Variants in PKP1 observed in about 807,000 individuals in gnomAD.
PKP1 encodes the protein plakophilin-1.
PKP1 carries 27 observed loss-of-function variants against 76.4 expected under a neutral mutation model. The observed-to-expected ratio is 0.35, with a 90% confidence interval of 0.26 to 0.49. The LOEUF is 0.49. Ranked by LOEUF, PKP1 falls within the 20% of genes least tolerant of loss-of-function variation. The probability of loss-of-function intolerance (pLI) is 0.99; values close to 1 mark genes in which losing one functional copy is unlikely to be tolerated. For missense variants in PKP1, 964 were observed against 955.2 expected (o/e 1.01, Z -0.12); for synonymous variants, 404 against 384.2 (o/e 1.05, Z -0.60).
rs778309621 is a variant in PKP1, at chr1:201,323,070, T to C, written c.1561T>C (p.Trp521Arg). 3.1e-6 allele frequency: 5 copies of C among 1,614,048 alleles called. No homozygotes were observed. The highest frequency in any genetic ancestry group is 4.2e-6 in the Non-Finnish European group (5 of 1,180,036). The change falls in exon 9 of 14, where the codon TGG (tryptophan) becomes CGG (arginine). Residue 521 changes from tryptophan (W) to arginine (R), a missense_variant. Trp to Arg is a moderately radical substitution (Grantham distance 101, BLOSUM62 -3). Coordinates refer to ENST00000367324, the MANE Select transcript of PKP1 (RefSeq NM_001005337.3). ...AGAGACCAACCCCAAGGGCAGCGGC[T>C]GGTTGTACCATTCAGATGCCATCCG... is the stretch of plus-strand genomic sequence containing the variant. ...EEETNPKGSG[W>R]LYHSDAIRTY...
intron 2 of PKP1, among the ~76,000 whole-genome samples, chr1:201,301,252 G>A (rs1264050869): frequency 6.6e-6 from 1 of 152,144 alleles, no homozygotes; most frequent in South Asian, 2.1e-4. Context: ...CACTGCTAAG[G>A]GACTCAGTGT....
chr1:201,330,767 G>C lies in PKP1; in HGVS notation c.*726G>C, dbSNP rs1657297328. 1 of 152,310 alleles carries C rather than the reference G, an allele frequency of 6.6e-6. No individual in the cohort carries two copies. The highest frequency in any genetic ancestry group is 1.5e-5 in the Non-Finnish European group (1 of 68,112). 9.4% of individuals were successfully genotyped at this position (152,310 alleles called of 1,614,324 possible). On this transcript the variant is annotated 3_prime_UTR_variant, in exon 14 of 14. Transcript: ENST00000367324. ...CGCCACAAGGACTGAGGTTGGGTAG[G>C]TGTGGGGTTCCAGAGGACAGCAGGA...
rs777513290 is a variant in PKP1, at chr1:201,283,914, C to T, written c.202+10C>T. On this transcript the variant is annotated intron_variant, in intron 1 of 13. Coordinates refer to ENST00000367324, the MANE Select transcript of PKP1 (RefSeq NM_001005337.3). ...AGCCACTCCAATCGAGGTAAAGGCT[C>T]GGCCCCCGCGTGGTCCGTGCGCCCC... 22 of 1,612,774 alleles carry T rather than the reference C, an allele frequency of 1.4e-5. No individual in the cohort carries two copies. The highest frequency in any genetic ancestry group is 5.0e-5 in the Admixed American group (3 of 59,998).
chr1:201,284,320 A>T (rs1655661619), intron 1 of PKP1, among the ~76,000 whole-genome samples: 1 of 152,130 alleles, frequency 6.6e-6, no homozygotes, highest in African/African-American at 2.4e-5. Flanking sequence ...CCTGGGGCCC[A>T]TGGTCCCCGC....
intron 1 of PKP1, among the ~76,000 whole-genome samples, chr1:201,289,837 G>A (rs944447927): frequency 2.6e-5 from 4 of 152,126 alleles, no homozygotes; most frequent in Non-Finnish European, 4.4e-5. Context: ...AGCTGGGTGC[G>A]GTCATCTTTA....
chr1:201,320,691 G>C (rs921356095), intron 7 of PKP1, among the ~76,000 whole-genome samples: 19 of 152,210 alleles, frequency 1.2e-4, no homozygotes, highest in African/African-American at 4.3e-4. Flanking sequence ...TTGTCTGAAA[G>C]GCTTGATTAG....
At chr1:201,295,394 C>G (rs1437299276) in intron 2 of PKP1, among the ~76,000 whole-genome samples, 1 of 152,184 alleles carries the variant, frequency 6.6e-6, no homozygotes. Context: ...GCAAATGACA[C>G]TCTTAGTGCA....
Position 201,320,291 on chromosome 1 carries a change from C to A in PKP1, c.1257C>A (p.Gly419=), listed in dbSNP as rs1182658205. 1.2e-6 allele frequency: 2 copies of A among 1,613,678 alleles called. No individual in the cohort carries two copies. The highest frequency in any genetic ancestry group is 1.7e-6 in the Non-Finnish European group (2 of 1,179,716). Residue 419 remains glycine (G), a synonymous_variant, in exon 7 of 14, where the codon GGC becomes GGA. Coordinates refer to ENST00000367324, the MANE Select transcript of PKP1 (RefSeq NM_001005337.3). ...GGAACCTGAGCTCGGCCGATGCAGG[C>A]CGCCAGACCATGCGTAACTACTCAG... ...CLRNLSSADA[G]RQTMRNYSGL...
chr1:201,304,057 G>C (rs2284440), intron 2 of PKP1, among the ~76,000 whole-genome samples: 6,527 of 152,260 alleles, frequency 0.043, 443 homozygotes, highest in African/African-American at 0.15. Context: ...ATGCCCTGTG[G>C]GAGGATTGCC....
Position 201,317,660 on chromosome 1 carries a change from G to C in PKP1, c.935G>C (p.Arg312Pro). The C allele has an allele frequency of 6.2e-7, 1 of 1,613,968 alleles. No individual in the cohort carries two copies. Among genetic ancestry groups the C allele is most frequent in the Non-Finnish European group, 8.5e-7 (1 of 1,179,990 alleles). Residue 312 changes from arginine (R) to proline (P), a missense_variant, in exon 5 of 14, where the codon CGC becomes CCC. Physicochemically the swap from Arg to Pro is moderately radical, Grantham distance 103 (BLOSUM62 -2). Transcript: ENST00000367324. ...NVQQAAAGAL[R>P]NLVFRSTTNK... The stretch of plus-strand genomic sequence containing the variant: ...CAGCAGGCCGCGGCAGGGGCCCTGC[G>C]CAACCTGGTGTTCAGGAGCACCACC...
At chr1:201,291,987 CA>C (rs1379834686) in intron 1 of PKP1, among the ~76,000 whole-genome samples, 1 of 152,190 alleles carries the variant, frequency 6.6e-6, no homozygotes, top group African/African-American at 2.4e-5. Context: ...GAGCTGTGTG[CA>C]CTCTACAGGG....
chr1:201,311,803 T>G (rs1431882828), intron 2 of PKP1, among the ~76,000 whole-genome samples: 1 of 152,172 alleles, frequency 6.6e-6, no homozygotes, highest in Non-Finnish European at 1.5e-5. Flanking sequence ...GTGGAGATGT[T>G]TTTTTATCAT....
intron 2 of PKP1, among the ~76,000 whole-genome samples, chr1:201,297,033 T>C (rs1363403298): frequency 1.3e-5 from 2 of 152,202 alleles, no homozygotes. Flanking sequence ...TAAAAAGCAA[T>C]GGTCGTACCT....
Position 201,313,441 on chromosome 1 carries a change from G to C in PKP1, c.582G>C (p.Lys194Asn). The change falls in exon 3 of 14, where the codon AAG becomes AAC. Residue 194 changes from lysine to asparagine, a missense_variant. By Grantham distance (94) the Lys-to-Asn change is moderately conservative. Coordinates refer to ENST00000367324, the MANE Select transcript of PKP1 (RefSeq NM_001005337.3). ...YSFYSTCSGQ[K>N]AIKKCPVRPP... ...TTTACAGCACCTGCAGTGGTCAGAA[G>C]GCCATAAAGAAGTGCCCTGTGCGCC... 1.2e-6 allele frequency: 2 copies of C among 1,604,876 alleles called. No homozygotes were observed. Among genetic ancestry groups the C allele is most frequent in the Non-Finnish European group, 1.7e-6 (2 of 1,175,880 alleles).
intron 7 of PKP1, 133 bp from the exon 8 acceptor site, chr1:201,321,845 T>C: frequency 2.1e-6 from 2 of 945,772 alleles, no homozygotes; most frequent in Non-Finnish European, 3.3e-6. Flanking sequence ...GCTGATAGTG[T>C]GGTGGTGCCT....
rs1156640562 is a variant in PKP1 at position 201,331,427 on chromosome 1, A to G, written c.*1386A>G. 1 of 152,444 alleles carries G rather than the reference A, an allele frequency of 6.6e-6. No individual in the cohort carries two copies. The highest frequency in any genetic ancestry group is 1.5e-5 in the Non-Finnish European group (1 of 68,278). 9.4% of individuals were successfully genotyped at this position (152,444 alleles called of 1,614,324 possible). On this transcript the variant is annotated 3_prime_UTR_variant, in exon 14 of 14. Coordinates refer to ENST00000367324, the MANE Select transcript of PKP1 (RefSeq NM_001005337.3). ...CAGCAGGAGGGCTCCCGAGGGCCTT[A>G]TGAGAAAACCTGTGTGGACATCCCT...
At chr1:201,318,536 G>C in intron 5 of PKP1, 82 bp from the exon 6 acceptor site, 1 of 1,248,008 alleles carries the variant, frequency 8.0e-7, no homozygotes, top group Non-Finnish European at 1.2e-6. Context: ...CCATTTGCCA[G>C]AGTCCAGGCT....
chr1:201,301,509 G>A (rs1244103464), intron 2 of PKP1, among the ~76,000 whole-genome samples: 3 of 152,056 alleles, frequency 2.0e-5, no homozygotes, highest in African/African-American at 4.8e-5. Flanking sequence ...CCTGGGGCTC[G>A]ATTTCTTCCA....
chr1:201,324,971 T>C lies in PKP1; in HGVS notation c.1865T>C (p.Leu622Pro), dbSNP rs768578417. The change falls in exon 11 of 14, where the codon CTC (leucine) becomes CCC (proline). Residue 622 changes from leucine to proline, a missense_variant. Leu to Pro is a moderately conservative substitution (Grantham distance 98). Coordinates refer to ENST00000367324, the MANE Select transcript of PKP1 (RefSeq NM_001005337.3). ...CAGGTGTTCCCGGAGGTGACCAGGC[T>C]CCTCACCAGCCACACTGGCAATACC... ...GNQVFPEVTR[L>P]LTSHTGNTSN... 1.2e-6 allele frequency: 2 copies of C among 1,613,712 alleles called. No homozygotes were observed. The highest frequency in any genetic ancestry group is 8.5e-7 in the Non-Finnish European group (1 of 1,179,992).
Sources: allele counts gnomAD v4.1 joint callset (sites outside exome capture counted in the v4.1 genomes callset), GRCh38; gene constraint gnomAD v4.1.1; transcripts MANE v1.5; gene names NCBI Gene and HGNC (gene_info 2026-07-23, HGNC 2026-07-21).